FAM168B: variants seen among roughly 807,000 people sequenced by gnomAD.
FAM168B encodes the protein myelin-associated neurite-outgrowth inhibitor.
FAM168B carries 19 observed loss-of-function variants against 21.8 expected under a neutral mutation model. The ratio of observed to expected loss-of-function variants is 0.87; its 90% CI spans 0.61 to 1.28. The LOEUF (loss-of-function observed/expected upper bound fraction) is 1.28. Ranked by LOEUF, FAM168B falls within the 50% of genes most tolerant of loss-of-function variation. FAM168B has a pLI of 0.00. For synonymous variants in FAM168B, 126 were observed against 104.8 expected (o/e 1.20, Z -1.24); for missense variants, 233 against 263.1 (o/e 0.89, Z 0.79).
chr2:131,077,225 A>G (rs1046929108), intron 2 of FAM168B, among the ~76,000 whole-genome samples: 69 of 152,142 alleles, frequency 4.5e-4, no homozygotes, highest in Admixed American at 9.2e-4. Context: ...AAAAAAAAAA[A>G]AAAAAAAGAA....
intron 3 of FAM168B, among the ~76,000 whole-genome samples, chr2:131,069,860 CTT>C (rs577329026): frequency 7.2e-6 from 1 of 139,488 alleles, no homozygotes; most frequent in Non-Finnish European, 1.6e-5. Flanking sequence ...CCTCATCAAA[CTT>C]TTTTTTTTTT....
At position 131,071,850 on chromosome 2, in the gene FAM168B, C is replaced by A. The variant is rs1692885236; in HGVS notation, c.154+5G>T. ...GTACAAAGCATTTTACCACCCAGCA[C>A]ATACCTGTTTGGAAGGTAGGATTCG... is the stretch of plus-strand genomic sequence containing the variant. On this transcript the variant is annotated splice_donor_5th_base_variant and intron_variant, in intron 3 of 6. Transcript: ENST00000389915. 2 of 1,613,610 alleles carry A rather than the reference C, an allele frequency of 1.2e-6. No homozygotes were observed. Among genetic ancestry groups the A allele is most frequent in the African/African-American group, 2.7e-5 (2 of 74,902 alleles).
Position 131,050,623 on chromosome 2 carries a change from T to C in FAM168B, c.*1842A>G, listed in dbSNP as rs1293734946. 6.1e-6 allele frequency: 6 copies of C among 985,434 alleles called. No homozygotes were observed. The highest frequency in any genetic ancestry group is 7.2e-6 in the Non-Finnish European group (6 of 829,690). The allele number at this position is 985,434 out of a possible 1,614,324, so 61.0% of individuals were successfully genotyped here. A position where few individuals can be genotyped will look rare whatever the true frequency, so the allele number is the denominator to read the frequency against. ...CTGTTTACAATGATCCATGCAAAAA[T>C]ATTCCTAAACTTCTTATAAAATAAG... On this transcript the variant is annotated 3_prime_UTR_variant, in exon 7 of 7. Transcript: ENST00000389915.
rs770923592 is a variant in FAM168B at position 131,055,294 on chromosome 2, C to A, written c.453G>T (p.Gly151=). 1.3e-5 allele frequency: 20 copies of A among 1,579,556 alleles called. No homozygotes were observed. The highest frequency in any genetic ancestry group is 1.6e-5 in the Non-Finnish European group (19 of 1,167,580). Residue 151 remains glycine, a synonymous_variant, in exon 5 of 7, where the codon GGG becomes GGT. Transcript: ENST00000389915. ...TACCTGCTGACATGGCCATGGTGGTCCCAGCCACCATGCCCATGGTGACCC... is the reference window on the plus strand; with the variant it reads ...TACCTGCTGACATGGCCATGGTGGTACCAGCCACCATGCCCATGGTGACCC... ...GNGVTMGMVA[G]TTMAMSAGTL...
At chr2:131,057,757 A>G (rs1172849937) in intron 3 of FAM168B, among the ~76,000 whole-genome samples, 1 of 152,208 alleles carries the variant, frequency 6.6e-6, no homozygotes, top group Non-Finnish European at 1.5e-5. Flanking sequence ...AAAAATAGTA[A>G]TAATAATTAA....
At chr2:131,078,148 G>A (rs535115464) in intron 2 of FAM168B, among the ~76,000 whole-genome samples, 1 of 152,116 alleles carries the variant, frequency 6.6e-6, no homozygotes, top group African/African-American at 2.4e-5. Context: ...TGCCAAGACA[G>A]GACCATGTGA....
At chr2:131,090,678 C>A (rs1573833513) in intron 1 of FAM168B, among the ~76,000 whole-genome samples, 1 of 152,024 alleles carries the variant, frequency 6.6e-6, no homozygotes, top group African/African-American at 2.4e-5. Flanking sequence ...TCAGCCTGGG[C>A]GATATAGTGA....
intron 3 of FAM168B, among the ~76,000 whole-genome samples, chr2:131,071,490 G>C (rs991277159): frequency 6.6e-6 from 1 of 152,092 alleles, no homozygotes. Context: ...AATATTATCA[G>C]AGTGCTAAAG....
At chr2:131,073,162 G>A (rs539296358) in intron 2 of FAM168B, among the ~76,000 whole-genome samples, 131 of 150,410 alleles carry the variant, frequency 8.7e-4, no homozygotes, top group African/African-American at 3.0e-3. Context: ...GTGAGATCTC[G>A]GCTCACTGCA....
In FAM168B at chr2:131,051,406, C is replaced by G; in HGVS notation, c.*1059G>C. The stretch of plus-strand genomic sequence containing the variant: ...ATACCACTTTCTTCATAACATACAG[C>G]TGAAACCTTTGCCCTTCTTTGTTGG... On this transcript the variant is annotated 3_prime_UTR_variant, in exon 7 of 7. Transcript: ENST00000389915. 1.0e-6 allele frequency: 1 copy of G among 984,986 alleles called. No individual in the cohort carries two copies. Among genetic ancestry groups the G allele is most frequent in the Non-Finnish European group, 1.2e-6 (1 of 829,862 alleles). 61.0% of individuals were successfully genotyped at this position (984,986 alleles called of 1,614,324 possible).
intron 3 of FAM168B, among the ~76,000 whole-genome samples, chr2:131,064,613 T>C (rs959093002): frequency 6.6e-6 from 1 of 152,180 alleles, no homozygotes; most frequent in Non-Finnish European, 1.5e-5. Flanking sequence ...TTTTCAGACA[T>C]GGAAAATCTC....
At position 131,048,409 on chromosome 2, in the gene FAM168B, G is replaced by A. The variant is rs190501461; in HGVS notation, c.*4056C>T. The A allele has an allele frequency of 6.8e-5, 86 of 1,266,396 alleles. 1 individual carries two copies. In the Middle Eastern group the frequency reaches 9.1e-4, roughly 13 times the overall value. The allele number at this position is 1,266,396 out of a possible 1,614,324, so 78.4% of individuals were successfully genotyped here. On this transcript the variant is annotated 3_prime_UTR_variant, in exon 7 of 7. Transcript: ENST00000389915. ...GCACACCACCCTTCTGCAGGCCCGG[G>A]GGGGGGTCCCTACACAGACGCCGCT...
chr2:131,088,963 C>T (rs1240859432), intron 1 of FAM168B, among the ~76,000 whole-genome samples: 1 of 142,474 alleles, frequency 7.0e-6, no homozygotes, highest in Admixed American at 6.8e-5. Flanking sequence ...TAGAGCGTAC[C>T]ACTTTTTTTT....
intron 3 of FAM168B, among the ~76,000 whole-genome samples, chr2:131,071,159 C>A (rs1340994678): frequency 3.3e-5 from 5 of 152,224 alleles, no homozygotes; most frequent in Non-Finnish European, 5.9e-5. Flanking sequence ...GTTGTCTCCT[C>A]CTCTGTCAAA....
At position 131,071,794 on chromosome 2, in the gene FAM168B, C is replaced by G. The variant is rs183123224; in HGVS notation, c.154+61G>C. ...ATTCTATACCCACCCCTCTCAAAATCCACCCCTTCACCTTTCTCTCCCAGC... is the reference window on the plus strand; with the variant it reads ...ATTCTATACCCACCCCTCTCAAAATGCACCCCTTCACCTTTCTCTCCCAGC... On this transcript the variant is annotated intron_variant, in intron 3 of 6. Transcript: ENST00000389915. 2.2e-5 allele frequency: 29 copies of G among 1,329,854 alleles called. No individual in the cohort carries two copies. In the East Asian group the frequency reaches 6.2e-4, roughly 28 times the overall value. 82.4% of individuals were successfully genotyped at this position (1,329,854 alleles called of 1,614,324 possible).
At chr2:131,053,481 C>T (rs1048071500) in intron 5 of FAM168B, among the ~76,000 whole-genome samples, 5 of 152,140 alleles carry the variant, frequency 3.3e-5, no homozygotes, top group Non-Finnish European at 5.9e-5. Context: ...AGGGAATTAG[C>T]GTTAATGAGT....
chr2:131,066,999 G>C (rs1234882009), intron 3 of FAM168B, among the ~76,000 whole-genome samples: 2 of 152,302 alleles, frequency 1.3e-5, no homozygotes, highest in East Asian at 1.9e-4. Context: ...GTGTGCAGGG[G>C]AACTGCCCTT....
Position 131,065,024 on chromosome 2 carries a change from G to A in FAM168B, c.154+6831C>T, listed in dbSNP as rs568218664. On this transcript the variant is annotated intron_variant, in intron 3 of 6. Transcript: ENST00000389915. ...CAACAGGGCACAGGACAACAGGATC[G>A]CCGCACAGAAGACACAGCCGTGAAC... Among the ~76,000 whole-genome samples, 16 of 152,310 alleles carry A rather than the reference G, an allele frequency of 1.1e-4. No individual in the cohort carries two copies. The South Asian group carries it at 2.3e-3, about 22-fold the overall frequency.
intron 3 of FAM168B, among the ~76,000 whole-genome samples, chr2:131,062,931 T>C (rs1259975476): frequency 1.3e-5 from 2 of 152,190 alleles, no homozygotes; most frequent in Middle Eastern, 3.2e-3. Context: ...CAAATAATGA[T>C]GTGCATGCTC....
Sources: gnomAD v4.1 joint callset for allele counts (sites outside exome capture counted in the v4.1 genomes callset) on GRCh38, gnomAD v4.1.1 for gene constraint, MANE v1.5 for transcripts, NCBI Gene and HGNC (gene_info 2026-07-23, HGNC 2026-07-21) for gene names.